Variants in NAV2 observed in about 807,000 individuals in gnomAD.
The protein encoded by NAV2 is neuron navigator 2.
NAV2 carries 54 observed loss-of-function variants against 223.2 expected under a neutral mutation model. The ratio of observed to expected loss-of-function variants is 0.24; its 90% CI spans 0.19 to 0.30. The LOEUF is 0.30. Among genes scored for constraint, NAV2 ranks in the 10% least tolerant of loss-of-function variants. The pLI is 1.00. For missense variants in NAV2, 2,806 were observed against 3,147.5 expected (o/e 0.89, Z 2.60); for synonymous variants, 1,279 against 1,239.3 (o/e 1.03, Z -0.67).
chr11:20,024,574 C>A (rs1287345338), intron 11 of NAV2, among the ~76,000 whole-genome samples: 1 of 152,222 alleles, frequency 6.6e-6, no homozygotes, highest in Non-Finnish European at 1.5e-5. Flanking sequence ...GCCTAATTAG[C>A]TAAAGCTGAG....
chr11:19,881,385 T>A (rs2063196900), intron 5 of NAV2, among the ~76,000 whole-genome samples: 1 of 151,984 alleles, frequency 6.6e-6, no homozygotes, highest in Non-Finnish European at 1.5e-5. Context: ...TGAGTGGGAG[T>A]CACTCCCAGT....
chr11:19,910,179 T>A (rs1489592367), intron 6 of NAV2, among the ~76,000 whole-genome samples: 1 of 152,214 alleles, frequency 6.6e-6, no homozygotes, highest in Non-Finnish European at 1.5e-5. Context: ...ATTATGCAGC[T>A]AAGGGCCAGT....
chr11:20,000,656 C>T (rs2052452397), intron 11 of NAV2, among the ~76,000 whole-genome samples: 1 of 152,220 alleles, frequency 6.6e-6, no homozygotes, highest in African/African-American at 2.4e-5. Context: ...AATGGGAGCC[C>T]TGGCCTTGAA....
chr11:19,466,988 C>CT (rs879502238), intron 1 of NAV2, among the ~76,000 whole-genome samples: 17,462 of 104,300 alleles, frequency 0.17, 1,080 homozygotes, highest in East Asian at 0.28. Context: ...TCTCTCTACA[C>CT]ACACACACAC....
chr11:19,714,748 A>G (rs774947261), intron 1 of NAV2, among the ~76,000 whole-genome samples: 33 of 152,108 alleles, frequency 2.2e-4, no homozygotes, highest in Non-Finnish European at 4.1e-4. Context: ...GGTGACTCCT[A>G]CCTTTCCAGA....
In NAV2 at chr11:19,675,827, C is replaced by T. The variant is rs187147860; in HGVS notation, c.76-156657C>T. Among the ~76,000 whole-genome samples the T allele has an allele frequency of 2.0e-3, 309 of 152,248 alleles. 1 individual carries two copies. The highest frequency in any genetic ancestry group is 5.5e-3 in the African/African-American group (230 of 41,550). On this transcript the variant is annotated intron_variant, in intron 1 of 37. Coordinates refer to the NAV2 transcript ENST00000360655. ...TATTTGTACAGCAATTGGTAATTCA[C>T]GAGTTTTCACAACAGTATAATTAAT... is the stretch of plus-strand genomic sequence containing the variant.
chr11:19,536,716 T>A (rs975453347), intron 1 of NAV2, among the ~76,000 whole-genome samples: 14 of 152,208 alleles, frequency 9.2e-5, no homozygotes, highest in African/African-American at 2.9e-4. Flanking sequence ...AAATGTGGTA[T>A]CTCTCCTCCC....
intron 5 of NAV2, among the ~76,000 whole-genome samples, chr11:19,881,691 C>T (rs1360011114): frequency 6.6e-6 from 1 of 152,178 alleles, no homozygotes; most frequent in Non-Finnish European, 1.5e-5. Context: ...TGCCGAGGTG[C>T]CTGCTCTCCT....
At chr11:19,583,691 C>T (rs529386854) in intron 1 of NAV2, among the ~76,000 whole-genome samples, 156 of 145,102 alleles carry the variant, frequency 1.1e-3, no homozygotes, top group African/African-American at 3.6e-3. Flanking sequence ...TATTGATTTG[C>T]GTATGTGGAA....
intron 1 of NAV2, among the ~76,000 whole-genome samples, chr11:19,462,216 T>G (rs1484125406): frequency 6.6e-6 from 1 of 152,246 alleles, no homozygotes; most frequent in Non-Finnish European, 1.5e-5. Context: ...GAAGGGCCTA[T>G]TAAAACACAG....
chr11:19,673,472 C>T (rs936081944), intron 1 of NAV2, among the ~76,000 whole-genome samples: 12 of 152,286 alleles, frequency 7.9e-5, no homozygotes, highest in Middle Eastern at 3.4e-3. Flanking sequence ...AAATTCAAAC[C>T]CAGAGAAGTT....
chr11:19,467,010 C>CACACACACACACACAG lies in NAV2; in HGVS notation c.75+115992_75+115993insCACACAGACACACACA, dbSNP rs1564959991. Among the ~76,000 whole-genome samples, 233 of 135,978 alleles carry CACACACACACACACAG rather than the reference C, an allele frequency of 1.7e-3. 2 individuals carry two copies. Among genetic ancestry groups the CACACACACACACACAG allele is most frequent in the African/African-American group, 5.9e-3 (223 of 37,654 alleles). The allele number at this position is 135,978 out of a possible 152,430, so 89.2% of individuals were successfully genotyped here. A position where few individuals can be genotyped will look rare whatever the true frequency, so the allele number is the denominator to read the frequency against. Reference sequence around the variant, plus strand: ...ACACACACACACACACACACACACACACACACACAGAGAGAGAGAGAGAGA... The same window carrying CACACACACACACACAG: ...ACACACACACACACACACACACACACACACACACACACACAGACACACACAGAGAGAGAGAGAGAGA... On this transcript the variant is annotated intron_variant, in intron 1 of 37. Transcript: ENST00000360655.
rs996449981 is a variant in NAV2, at chr11:19,985,919, A to G, written c.2768+1672A>G. Among the ~76,000 whole-genome samples, 12 of 147,080 alleles carry G rather than the reference A, an allele frequency of 8.2e-5. No homozygotes were observed. The South Asian group carries it at 2.6e-3, about 32-fold the overall frequency. ...AGGAGAAACTAAACTCTCTGTAACT[A>G]AAATCTTTATAGTAAATAATAACAG... On this transcript the variant is annotated intron_variant, in intron 11 of 37. Coordinates refer to ENST00000349880, the MANE Select transcript of NAV2 (RefSeq NM_145117.5).
At chr11:20,010,566 C>G (rs2153508298) in intron 11 of NAV2, among the ~76,000 whole-genome samples, 1 of 152,230 alleles carries the variant, frequency 6.6e-6, no homozygotes, top group East Asian at 1.9e-4. Context: ...CTCTTGGATT[C>G]CAACAGCTTT....
intron 4 of NAV2, among the ~76,000 whole-genome samples, chr11:19,871,275 G>T (rs1670697533): frequency 6.6e-6 from 1 of 152,044 alleles, no homozygotes; most frequent in South Asian, 2.1e-4. Context: ...ACTCAGTGAC[G>T]GTCATTTTTA....
At chr11:19,463,844 A>G (rs868621517) in intron 1 of NAV2, among the ~76,000 whole-genome samples, 4 of 151,986 alleles carry the variant, frequency 2.6e-5, no homozygotes, top group Non-Finnish European at 5.9e-5. Context: ...GAGCTGACAC[A>G]GTGGCAGTAG....
chr11:19,870,789 A>AT (rs879717451), intron 4 of NAV2, among the ~76,000 whole-genome samples: 10 of 152,212 alleles, frequency 6.6e-5, no homozygotes, highest in Non-Finnish European at 1.3e-4. Flanking sequence ...TCCCTGAAGC[A>AT]TGTAGCTAGA....
chr11:20,062,860 A>T (rs1331074250), intron 20 of NAV2, among the ~76,000 whole-genome samples: 1 of 152,052 alleles, frequency 6.6e-6, no homozygotes, highest in African/African-American at 2.4e-5. Flanking sequence ...ACGCCCAGCT[A>T]ATTTTTGTAT....
At chr11:19,848,033 C>T (rs571075093) in intron 3 of NAV2, among the ~76,000 whole-genome samples, 23 of 152,278 alleles carry the variant, frequency 1.5e-4, no homozygotes, top group Admixed American at 3.9e-4. Flanking sequence ...GATCATGAAC[C>T]CCAGAGGCCA....
Sources: gnomAD v4.1 joint callset for allele counts (sites outside exome capture counted in the v4.1 genomes callset) on GRCh38, gnomAD v4.1.1 for gene constraint, MANE v1.5 for transcripts, NCBI Gene and HGNC (gene_info 2026-07-23, HGNC 2026-07-21) for gene names.